The following ATP13A3 variants were observed in gnomAD, a reference collection of about 807,000 sequenced individuals.
The protein encoded by ATP13A3 is ATPase 13A3, also known as polyamine-transporting ATPase 13A3.
Under a neutral mutation model 158.1 loss-of-function variants are expected in ATP13A3, and 59 were observed. The ratio of observed to expected loss-of-function variants is 0.37; its 90% confidence interval spans 0.30 to 0.46. The LOEUF (loss-of-function observed/expected upper bound fraction) is 0.46, where lower values mean the gene tolerates loss of function less well. Among genes scored for constraint, ATP13A3 ranks in the 20% least tolerant of loss-of-function variants. ATP13A3 has a pLI of 1.00. For synonymous variants in ATP13A3, 491 were observed against 504.3 expected, an observed-to-expected ratio of 0.97 and a Z score of 0.35; for missense variants, 1,166 against 1,525.2, an observed-to-expected ratio of 0.76 and a Z score of 3.92.
At chr3:194,486,216 G>A (rs1720961783) in intron 1 of ATP13A3, among the ~76,000 whole-genome samples, 1 of 152,094 alleles carries the variant, frequency 6.6e-6, no homozygotes, top group African/African-American at 2.4e-5. Flanking sequence ...CTGAGGACGA[G>A]CTAGGGTCCC....
chr3:194,472,339 AG>A (rs2109024444), intron 2 of ATP13A3, among the ~76,000 whole-genome samples: 2 of 152,336 alleles, frequency 1.3e-5, no homozygotes, highest in South Asian at 4.1e-4. Flanking sequence ...CTATGATGCA[AG>A]TTCCTTCACG....
rs769823675 is a variant in ATP13A3, at chr3:194,459,868, T to C, written c.329A>G (p.His110Arg). ...GGGATTCTCAATTAAACAAACTGCATGGCCATTTGAAAGCTTATTAGACAT... is the reference window on the plus strand; with the variant it reads ...GGGATTCTCAATTAAACAAACTGCACGGCCATTTGAAAGCTTATTAGACAT... ...KSMSNKLSNG[H>R]AVCLIENPTE... Residue 110 changes from histidine to arginine, a missense_variant, in exon 5 of 34, where the codon CAT (histidine) becomes CGT (arginine). Physicochemically the swap from His to Arg is conservative, Grantham distance 29. Transcript: ENST00000645319. 7 of 1,613,540 alleles carry C rather than the reference T, an allele frequency of 4.3e-6. No homozygotes were observed. The African/African-American group carries it at 5.3e-5, about 12-fold the overall frequency.
At chr3:194,489,388 G>A (rs1721119622), upstream of ATP13A3, among the ~76,000 whole-genome samples, 1 of 152,104 alleles carries the variant, frequency 6.6e-6, no homozygotes, top group African/African-American at 2.4e-5. The surrounding 1 kb of genome is among the most constrained non-coding windows in gnomAD (Gnocchi z 4.1). Flanking sequence ...GGTTGCAGTG[G>A]GCTGAGATTG....
chr3:194,460,010 T>C, intron 4 of ATP13A3, 39 bp from the exon 5 acceptor site: 1 of 1,456,882 alleles, frequency 6.9e-7, no homozygotes, highest in African/African-American at 1.4e-5. Context: ...GAGTCAATTT[T>C]ATAGAAAACT....
At chr3:194,466,094 C>A (rs1035503427) in intron 2 of ATP13A3, among the ~76,000 whole-genome samples, 2 of 152,000 alleles carry the variant, frequency 1.3e-5, no homozygotes, top group Admixed American at 6.5e-5. Context: ...GTGTAACATG[C>A]CACTAAAACA....
chr3:194,436,408 T>G (rs900805220), intron 20 of ATP13A3, among the ~76,000 whole-genome samples: 15 of 152,224 alleles, frequency 9.9e-5, no homozygotes, highest in Non-Finnish European at 1.9e-4. Context: ...CATTATATTC[T>G]GATCAAATTA....
intron 33 of ATP13A3, among the ~76,000 whole-genome samples, chr3:194,406,821 T>TAA (rs2108690258): frequency 6.6e-6 from 1 of 152,324 alleles, no homozygotes; most frequent in South Asian, 2.1e-4. Flanking sequence ...TAATGTCAAT[T>TAA]ACGTCTTTTA....
rs76847446 is a variant in ATP13A3 at position 194,445,568 on chromosome 3, T to C, written c.1498-782A>G. ...GTAATGAGTAAATGAGTGTTTATTA[T>C]ACACACATCTTTTCTCCACTTTTGT... On this transcript the variant is annotated intron_variant, in intron 14 of 33. Transcript: ENST00000645319. 7.9e-3 allele frequency among the ~76,000 whole-genome samples: 1,208 copies of C among 152,332 alleles called. 7 individuals carry two copies. The highest frequency in any genetic ancestry group is 0.022 in the South Asian group (108 of 4,832).
At chr3:194,418,478 A>T (rs568626721) in intron 31 of ATP13A3, among the ~76,000 whole-genome samples, 78 of 152,332 alleles carry the variant, frequency 5.1e-4, no homozygotes, top group African/African-American at 1.6e-3. Context: ...AAAAATTTTT[A>T]AAAAAGACAA....
At chr3:194,476,347 G>A (rs1434965443) in intron 2 of ATP13A3, among the ~76,000 whole-genome samples, 1 of 152,100 alleles carries the variant, frequency 6.6e-6, no homozygotes, top group Non-Finnish European at 1.5e-5. Context: ...ATGTGCTTCA[G>A]ACCCACAGAT....
intron 33 of ATP13A3, among the ~76,000 whole-genome samples, chr3:194,410,331 A>ACAAAC (rs1553794196): frequency 2.3e-5 from 3 of 133,048 alleles, no homozygotes; most frequent in Admixed American, 7.7e-5. Flanking sequence ...AAAAAAAAAA[A>ACAAAC]CTGCTGGGCC....
intron 30 of ATP13A3, 48 bp downstream of exon 30, chr3:194,425,294 T>C (rs1322835365): frequency 6.6e-7 from 1 of 1,515,216 alleles, no homozygotes. Context: ...TCTACATTAG[T>C]TTTAAAGGGG....
chr3:194,491,308 C>T (rs1721142806), upstream of ATP13A3, among the ~76,000 whole-genome samples: 1 of 152,126 alleles, frequency 6.6e-6, no homozygotes, highest in South Asian at 2.1e-4. Flanking sequence ...CTCTCCTGGG[C>T]CTCCTGACCT....
chr3:194,483,685 TA>T (rs1450636088), intron 2 of ATP13A3, among the ~76,000 whole-genome samples: 1 of 152,196 alleles, frequency 6.6e-6, no homozygotes, highest in Non-Finnish European at 1.5e-5. Context: ...AAACCAAGGC[TA>T]AATCCCATCA....
Position 194,447,013 on chromosome 3 carries a change from T to C in ATP13A3, c.1411A>G (p.Arg471Gly), listed in dbSNP as rs773809537. The change falls in exon 14 of 34, where the codon AGA (arginine) becomes GGA (glycine). Residue 471 changes from arginine (R) to glycine (G), a missense_variant. Physicochemically the swap from Arg to Gly is moderately radical, Grantham distance 125. Coordinates refer to ENST00000645319, the MANE Select transcript of ATP13A3 (RefSeq NM_001367549.1). ...AMTAGIVYAQ[R>G]RLKKIGIFCI... ...AAAATACCGATTTTTTTCAGTCTTC[T>C]CTGAGCATACACAATACCAGCAGTC... 4 of 1,613,808 alleles carry C rather than the reference T, an allele frequency of 2.5e-6. No individual in the cohort carries two copies. In the South Asian group the frequency reaches 4.4e-5, roughly 18 times the overall value.
intron 33 of ATP13A3, among the ~76,000 whole-genome samples, chr3:194,410,947 T>G (rs1715375423): frequency 6.7e-6 from 1 of 149,328 alleles, no homozygotes; most frequent in South Asian, 2.1e-4. Context: ...GGTGTGTGTG[T>G]GTGTGTGTGT....
chr3:194,417,445 A>ACACACACACACACAC (rs1560072213), intron 31 of ATP13A3, among the ~76,000 whole-genome samples: 2 of 148,830 alleles, frequency 1.3e-5, no homozygotes, highest in South Asian at 2.1e-4. Context: ...ACACACACAC[A>ACACACACACACACAC]AAAGGAGGAA....
At chr3:194,439,018 A>G in intron 16 of ATP13A3, 46 bp from the exon 17 acceptor site, 2 of 1,242,372 alleles carry the variant, frequency 1.6e-6, no homozygotes, top group Non-Finnish European at 2.3e-6. Context: ...ACAACATTCA[A>G]GCACTGCTTC....
intron 2 of ATP13A3, among the ~76,000 whole-genome samples, chr3:194,465,105 A>G (rs1257219989): frequency 6.6e-6 from 1 of 152,210 alleles, no homozygotes; most frequent in Non-Finnish European, 1.5e-5. Flanking sequence ...TTTTCAAGGA[A>G]CTGGACATCA....
Sources: gnomAD v4.1 joint callset for allele counts (sites outside exome capture counted in the v4.1 genomes callset) on GRCh38, gnomAD v4.1.1 for gene constraint, Gnocchi (gnomAD v3.1) non-coding constraint, MANE v1.5 for transcripts, NCBI Gene and HGNC (gene_info 2026-07-23, HGNC 2026-07-21) for gene names.